The following TAFA1 variants were observed in gnomAD, a reference collection of about 807,000 sequenced individuals.
TAFA1 encodes the protein TAFA chemokine like family member 1.
Under a neutral mutation model 18.5 loss-of-function variants are expected in TAFA1, and 4 were observed. The ratio of observed to expected loss-of-function variants is 0.22; its 90% CI spans 0.11 to 0.49. TAFA1 has a LOEUF of 0.49. Among genes scored for constraint, TAFA1 ranks in the 20% least tolerant of loss-of-function variants. The pLI is 0.98. For synonymous variants in TAFA1, 56 were observed against 55.2 expected, an observed-to-expected ratio of 1.01 and a Z score of -0.06; for missense variants, 147 against 169.0, an observed-to-expected ratio of 0.87 and a Z score of 0.72.
intron 2 of TAFA1, among the ~76,000 whole-genome samples, chr3:68,014,624 C>A (rs1704534941): frequency 6.6e-6 from 1 of 152,072 alleles, no homozygotes; most frequent in Non-Finnish European, 1.5e-5. Context: ...GTATATTCTG[C>A]CAAATAAGTT....
At chr3:68,491,662 C>A (rs2072456198) in intron 3 of TAFA1, among the ~76,000 whole-genome samples, 1 of 149,318 alleles carries the variant, frequency 6.7e-6, no homozygotes, top group South Asian at 2.1e-4. Context: ...GCACATTGTG[C>A]ACATGTACCC....
chr3:68,195,890 T>C (rs2066404326), intron 2 of TAFA1, among the ~76,000 whole-genome samples: 1 of 151,754 alleles, frequency 6.6e-6, no homozygotes, highest in African/African-American at 2.4e-5. Context: ...AGTAGGTTCT[T>C]GATAAAATGT....
intron 3 of TAFA1, among the ~76,000 whole-genome samples, chr3:68,465,174 G>T (rs760938477): frequency 1.3e-5 from 2 of 152,134 alleles, no homozygotes; most frequent in African/African-American, 4.8e-5. Context: ...ATCAGTAAAT[G>T]TTATTACCTC....
At chr3:68,197,691 A>G (rs1271621174) in intron 2 of TAFA1, among the ~76,000 whole-genome samples, 2 of 151,672 alleles carry the variant, frequency 1.3e-5, no homozygotes, top group Non-Finnish European at 3.0e-5. Context: ...TATCTTTGTC[A>G]AAACAGCAAG....
At chr3:68,080,059 AT>A (rs2064877068) in intron 2 of TAFA1, among the ~76,000 whole-genome samples, 1 of 151,984 alleles carries the variant, frequency 6.6e-6, no homozygotes, top group Non-Finnish European at 1.5e-5. Context: ...TCCCTTTACC[AT>A]TATGTAATGG....
At chr3:68,084,841 C>T (rs2064951985) in intron 2 of TAFA1, among the ~76,000 whole-genome samples, 1 of 151,852 alleles carries the variant, frequency 6.6e-6, no homozygotes, top group Non-Finnish European at 1.5e-5. Context: ...AAAAAGTAGC[C>T]CCCATACTTC....
chr3:68,439,117 C>T (rs759092798), intron 3 of TAFA1, among the ~76,000 whole-genome samples: 22 of 152,118 alleles, frequency 1.4e-4, no homozygotes, highest in Non-Finnish European at 2.5e-4. Flanking sequence ...CACTGGGCTA[C>T]ACCATTGGTT....
chr3:68,465,258 G>T (rs1034930223), intron 3 of TAFA1, among the ~76,000 whole-genome samples: 1 of 152,156 alleles, frequency 6.6e-6, no homozygotes, highest in African/African-American at 2.4e-5. Flanking sequence ...AACTAGCTTT[G>T]CAGCAGATAC....
intron 2 of TAFA1, among the ~76,000 whole-genome samples, chr3:68,262,353 ATATATT>A (rs2067451420): frequency 1.0e-5 from 1 of 96,962 alleles, no homozygotes; most frequent in African/African-American, 4.1e-5. Flanking sequence ...ATATATATAT[ATATATT>A]TCATGGGTAT....
intron 2 of TAFA1, among the ~76,000 whole-genome samples, chr3:68,155,298 A>G (rs1196213709): frequency 6.6e-6 from 1 of 152,118 alleles, no homozygotes; most frequent in Non-Finnish European, 1.5e-5. Context: ...AGGCTTGCCA[A>G]CCCCCAGAAC....
intron 1 of TAFA1, among the ~76,000 whole-genome samples, chr3:68,005,493 G>A (rs1354835111): frequency 6.6e-6 from 1 of 152,182 alleles, no homozygotes; most frequent in African/African-American, 2.4e-5. Context: ...TACATATGAT[G>A]TATATTTTTG....
intron 2 of TAFA1, among the ~76,000 whole-genome samples, chr3:68,261,084 A>C (rs1345894220): frequency 2.0e-5 from 3 of 151,316 alleles, no homozygotes; most frequent in Admixed American, 6.6e-5. Flanking sequence ...GAAAAAAAAA[A>C]CCATCAAAAA....
In TAFA1 at chr3:68,435,257, T is replaced by C. The variant is rs969881734; in HGVS notation, c.259+17837T>C. Among the ~76,000 whole-genome samples, 3 of 152,064 alleles carry C rather than the reference T, an allele frequency of 2.0e-5. No individual in the cohort carries two copies. In the East Asian group the frequency reaches 5.8e-4, roughly 29 times the overall value. On this transcript the variant is annotated intron_variant, in intron 3 of 4. Coordinates refer to ENST00000478136, the MANE Select transcript of TAFA1 (RefSeq NM_213609.4). The stretch of plus-strand genomic sequence containing the variant: ...CCAGCATCAACAAGAAGGATCCTAA[T>C]GAATCCAAGGAGCTGCAAGAAGTTC...
intron 2 of TAFA1, among the ~76,000 whole-genome samples, chr3:68,342,416 A>C (rs145457981): frequency 6.6e-6 from 1 of 152,198 alleles, no homozygotes; most frequent in African/African-American, 2.4e-5. Flanking sequence ...GTTTATTCCC[A>C]TATCAGTGCA....
At chr3:67,999,044 C>A in the TAFA1 span, among the ~76,000 whole-genome samples, 1 of 152,096 alleles carries the variant, frequency 6.6e-6, no homozygotes. Context: ...TTTCCTTGAC[C>A]TGGCTGGTGT....
chr3:68,158,625 T>C (rs2065891530), intron 2 of TAFA1, among the ~76,000 whole-genome samples: 1 of 152,112 alleles, frequency 6.6e-6, no homozygotes, highest in Admixed American at 6.6e-5. Flanking sequence ...TTGGCTAGAA[T>C]AGAGGGCCAT....
At chr3:68,293,159 C>A (rs1455301016) in intron 2 of TAFA1, among the ~76,000 whole-genome samples, 1 of 152,108 alleles carries the variant, frequency 6.6e-6, no homozygotes, top group Non-Finnish European at 1.5e-5. Context: ...TGATGAGATG[C>A]TTTAATAGTA....
intron 2 of TAFA1, among the ~76,000 whole-genome samples, chr3:68,346,005 C>T (rs1470590401): frequency 1.3e-5 from 2 of 152,120 alleles, no homozygotes; most frequent in African/African-American, 2.4e-5. Context: ...TGGCTGGCTA[C>T]TTCGCAGCTC....
At chr3:68,395,483 C>T (rs921255190) in intron 2 of TAFA1, among the ~76,000 whole-genome samples, 5 of 151,898 alleles carry the variant, frequency 3.3e-5, no homozygotes, top group African/African-American at 1.2e-4. Flanking sequence ...TATAAAGACA[C>T]ATACGTTTAC....
Sources: allele counts gnomAD v4.1 joint callset (sites outside exome capture counted in the v4.1 genomes callset), GRCh38; gene constraint gnomAD v4.1.1; transcripts MANE v1.5; gene names NCBI Gene and HGNC (gene_info 2026-07-23, HGNC 2026-07-21).